The following CASP5 variants were observed in gnomAD, a reference collection of about 807,000 sequenced individuals.
CASP5 encodes the protein caspase 5, also known as caspase-5.
Under a neutral mutation model 45.2 loss-of-function variants are expected in CASP5, and 42 were observed. The ratio of observed to expected loss-of-function variants is 0.93; its 90% CI spans 0.73 to 1.20. The LOEUF is 1.20. Ranked by LOEUF, CASP5 falls within the 50% of genes most tolerant of loss-of-function variation. The pLI, the probability that CASP5 is intolerant of heterozygous loss-of-function variation, is 0.00. For missense variants in CASP5, 512 were observed against 532.2 expected, an observed-to-expected ratio of 0.96 and a Z score of 0.37; for synonymous variants, 209 against 186.2, an observed-to-expected ratio of 1.12 and a Z score of -1.00.
chr11:105,010,892 A>G (rs1039941026), intron 1 of CASP5, among the ~76,000 whole-genome samples: 1 of 151,774 alleles, frequency 6.6e-6, no homozygotes, highest in Non-Finnish European at 1.5e-5. Context: ...AATCCTGTGA[A>G]AAGAAAATGA....
chr11:104,997,393 A>G lies in CASP5; in HGVS notation c.1196T>C (p.Ile399Thr). Reference protein sequence around the residue: ...KYSCCCHLMEIFRKVQKSFEV... With the variant: ...KYSCCCHLMETFRKVQKSFEV... ...GAAATGGAAGCTTACCTTCCGAAATATTTCCATTAGGTGGCAGCAGCAAGA... is the reference window on the plus strand; with the variant it reads ...GAAATGGAAGCTTACCTTCCGAAATGTTTCCATTAGGTGGCAGCAGCAAGA... The change falls in exon 8 of 10, where the codon ATA becomes ACA. Residue 399 changes from isoleucine (I) to threonine (T), a missense_variant. By Grantham distance (89) the Ile-to-Thr change is moderately conservative. Coordinates refer to ENST00000260315, the MANE Select transcript of CASP5 (RefSeq NM_004347.5). 6.2e-7 allele frequency: 1 copy of G among 1,603,786 alleles called. No individual in the cohort carries two copies. Among genetic ancestry groups the G allele is most frequent in the Non-Finnish European group, 8.5e-7 (1 of 1,170,758 alleles).
rs1344609337 is a variant in CASP5 at position 105,019,804 on chromosome 11, T to C, written c.7+3326A>G. On this transcript the variant is annotated intron_variant, in intron 1 of 9. Transcript: ENST00000260315. ...AGAGGGAATCCTCCCTAACTCATTT[T>C]ATGAGGCCAGCATCATCCTGATACC... 3.4e-5 allele frequency among the ~76,000 whole-genome samples: 5 copies of C among 145,306 alleles called. No individual in the cohort carries two copies. The South Asian group carries it at 8.8e-4, about 25-fold the overall frequency.
intron 3 of CASP5, among the ~76,000 whole-genome samples, chr11:105,006,864 G>T (rs1862021870): frequency 6.6e-6 from 1 of 152,150 alleles, no homozygotes; most frequent in African/African-American, 2.4e-5. Flanking sequence ...CTATTTCTGT[G>T]CACAGTCTAA....
At chr11:105,009,011 T>C (rs771683263) in intron 1 of CASP5, 31 bp from the exon 2 acceptor site, 6 of 1,606,134 alleles carry the variant, frequency 3.7e-6, no homozygotes, top group Non-Finnish European at 5.1e-6. Context: ...CCTTCAACTC[T>C]GGGCACAGCT....
chr11:104,998,103 A>T (rs183380810), intron 7 of CASP5, among the ~76,000 whole-genome samples: 3 of 152,328 alleles, frequency 2.0e-5, no homozygotes, highest in Non-Finnish European at 2.9e-5. Context: ...TTGCAGAATG[A>T]TGATAATAAT....
At position 105,009,854 on chromosome 11, in the gene CASP5, CAT is replaced by C. The variant is rs1354596386; in HGVS notation, c.8-876_8-875del. 1.5e-3 allele frequency among the ~76,000 whole-genome samples: 203 copies of C among 132,200 alleles called. 1 individual carries two copies. The highest frequency in any genetic ancestry group is 4.8e-3 in the African/African-American group (166 of 34,504). 86.7% of individuals were successfully genotyped at this position (132,200 alleles called of 152,430 possible). A position where few individuals can be genotyped will look rare whatever the true frequency, so the allele number is the denominator to read the frequency against. On this transcript the variant is annotated intron_variant, in intron 1 of 9. Coordinates refer to ENST00000260315, the MANE Select transcript of CASP5 (RefSeq NM_004347.5). ...ATATATATATACACATATATATACA[CAT>C]ATATATACATATATATACACACATA...
intron 2 of CASP5, among the ~76,000 whole-genome samples, chr11:105,008,161 A>G (rs1349264702): frequency 6.6e-6 from 1 of 152,120 alleles, no homozygotes; most frequent in Non-Finnish European, 1.5e-5. Context: ...GAAATTTGAT[A>G]TATATTAGTT....
intron 1 of CASP5, among the ~76,000 whole-genome samples, chr11:105,015,407 T>C (rs925141944): frequency 6.6e-6 from 1 of 152,318 alleles, no homozygotes; most frequent in East Asian, 1.9e-4. Context: ...GAATTGAAGA[T>C]GCAGTGATAA....
chr11:105,013,961 C>G (rs1455163961), intron 1 of CASP5, among the ~76,000 whole-genome samples: 2 of 152,170 alleles, frequency 1.3e-5, no homozygotes, highest in Non-Finnish European at 2.9e-5. Flanking sequence ...AATCTGACCA[C>G]TACTCTTAAT....
chr11:105,009,060 T>C (rs750419294), intron 1 of CASP5, 80 bp from the exon 2 acceptor site: 2 of 1,221,164 alleles, frequency 1.6e-6, no homozygotes, highest in Non-Finnish European at 1.2e-6. Context: ...AGCTCTGTAA[T>C]GTGAAACACC....
chr11:105,005,826 T>G (rs1330751650), intron 3 of CASP5, among the ~76,000 whole-genome samples: 1 of 152,182 alleles, frequency 6.6e-6, no homozygotes, highest in Non-Finnish European at 1.5e-5. Context: ...AAAACCGATA[T>G]TTTTTCCTCA....
intron 9 of CASP5, 96 bp downstream of exon 9, chr11:104,995,644 T>A (rs1861428045): frequency 2.7e-6 from 2 of 733,740 alleles, no homozygotes; most frequent in Non-Finnish European, 4.7e-6. Context: ...AACACTAACT[T>A]GACCATATAA....
chr11:105,003,328 G>T lies in CASP5; in HGVS notation c.489C>A (p.Leu163=). ...GGAATTCTTCACGAGGACAAAGTTT[G>T]AGTATATTTGTAGATTCTGCTGACT... ...PPESAESTNI[L]KLCPREEFLR... Residue 163 remains leucine (L), a synonymous_variant, in exon 4 of 10, where the codon CTC becomes CTA. Transcript: ENST00000260315. 6.2e-7 allele frequency: 1 copy of T among 1,606,104 alleles called. No homozygotes were observed. Among genetic ancestry groups the T allele is most frequent in the African/African-American group, 1.3e-5 (1 of 74,432 alleles).
chr11:105,010,358 A>G (rs1442129524), intron 1 of CASP5, among the ~76,000 whole-genome samples: 2 of 150,250 alleles, frequency 1.3e-5, no homozygotes, highest in Non-Finnish European at 3.0e-5. Flanking sequence ...TATCATTATT[A>G]TTAACAATAT....
At chr11:105,001,897 T>A in intron 5 of CASP5, 131 bp downstream of exon 5, 1 of 719,920 alleles carries the variant, frequency 1.4e-6, no homozygotes, top group Non-Finnish European at 2.3e-6. Context: ...TGTGCGCATG[T>A]ACACACACAC....
chr11:105,019,834 C>G (rs1306466744), intron 1 of CASP5, among the ~76,000 whole-genome samples: 2 of 144,788 alleles, frequency 1.4e-5, no homozygotes, highest in African/African-American at 5.0e-5. Context: ...GATACCAAAG[C>G]CGGGCAGAGA....
chr11:105,007,018 T>A (rs1862030460), intron 3 of CASP5, 65 bp downstream of exon 3: 7 of 1,339,650 alleles, frequency 5.2e-6, no homozygotes, highest in Admixed American at 2.0e-5. Context: ...TAACACTGCA[T>A]GGGCCTTGGA....
intron 3 of CASP5, 51 bp downstream of exon 3, chr11:105,007,032 G>T (rs376171581): frequency 6.7e-7 from 1 of 1,498,160 alleles, no homozygotes. Context: ...CCTTGGAGTT[G>T]AATATATTCT....
At chr11:104,998,012 T>C (rs1045161139) in intron 7 of CASP5, among the ~76,000 whole-genome samples, 2 of 152,160 alleles carry the variant, frequency 1.3e-5, no homozygotes, top group African/African-American at 4.8e-5. Context: ...TATAATATGG[T>C]GCCAATAGTA....
Sources: allele counts gnomAD v4.1 joint callset (sites outside exome capture counted in the v4.1 genomes callset), GRCh38; gene constraint gnomAD v4.1.1; transcripts MANE v1.5; gene names NCBI Gene and HGNC (gene_info 2026-07-23, HGNC 2026-07-21).